The following ADAMTS18 variants were observed in gnomAD, a reference collection of about 807,000 sequenced individuals.
ADAMTS18 encodes A disintegrin and metalloproteinase with thrombospondin motifs 18.
Under a neutral mutation model 165.9 loss-of-function variants are expected in ADAMTS18, and 157 were observed. The ratio of observed to expected loss-of-function variants is 0.95; its 90% CI spans 0.83 to 1.08. ADAMTS18 has a LOEUF of 1.08. Among genes scored for constraint, ADAMTS18 ranks in the 50% least tolerant of loss-of-function variants. ADAMTS18 has a pLI of 0.00. For synonymous variants in ADAMTS18, 782 were observed against 578.2 expected (o/e 1.35, Z -5.06); for missense variants, 2,040 against 1,534.0 (o/e 1.33, Z -5.51).
Position 77,289,330 on chromosome 16 carries a change from G to C in ADAMTS18, c.3484C>G (p.Leu1162Val), listed in dbSNP as rs141927764. 3.1e-6 allele frequency: 5 copies of C among 1,614,128 alleles called. No individual in the cohort carries two copies. Among genetic ancestry groups the C allele is most frequent in the Non-Finnish European group, 3.4e-6 (4 of 1,180,004 alleles). ...CGTAGCACCGGAGGTTTCTGATGGA[G>C]CAGACAACTTGAGGAAGGCCGGCCT... ...QQGRPSSSCL[L>V]HQKPPVLRAC... Residue 1162 changes from leucine to valine, a missense_variant, in exon 22 of 23, where the codon CTC becomes GTC. Transcript: ENST00000282849.
At chr16:77,284,123 CTTTTT>C (rs34369567) in intron 22 of ADAMTS18, 52 bp from the exon 23 acceptor site, 192 of 951,580 alleles carry the variant, frequency 2.0e-4, no homozygotes, top group Non-Finnish European at 2.8e-4. Context: ...TATCCTTTTT[CTTTTT>C]TTTTTTTTTT....
intron 2 of ADAMTS18, 92 bp downstream of exon 2, chr16:77,434,326 G>C: frequency 1.4e-6 from 2 of 1,410,964 alleles, no homozygotes; most frequent in Non-Finnish European, 1.9e-6. Context: ...CCAGGTTAGG[G>C]GGTGCGCTTT....
chr16:77,431,232 C>A, intron 3 of ADAMTS18, 63 bp downstream of exon 3: 1 of 1,564,322 alleles, frequency 6.4e-7, no homozygotes, highest in Non-Finnish European at 8.8e-7. Context: ...TTGCAGACAT[C>A]TGTTCATTCA....
At chr16:77,324,216 G>C (rs1417618948) in intron 13 of ADAMTS18, among the ~76,000 whole-genome samples, 2 of 152,170 alleles carry the variant, frequency 1.3e-5, no homozygotes, top group African/African-American at 4.8e-5. Flanking sequence ...AAGAACCACA[G>C]GTAGGAAGCA....
At chr16:77,386,822 C>T (rs773747837) in intron 3 of ADAMTS18, among the ~76,000 whole-genome samples, 2 of 152,072 alleles carry the variant, frequency 1.3e-5, no homozygotes, top group Non-Finnish European at 2.9e-5. Context: ...TAACTTATTA[C>T]ATGCAAATAT....
chr16:77,322,536 A>C, intron 13 of ADAMTS18, 70 bp from the exon 14 acceptor site: 1 of 1,560,390 alleles, frequency 6.4e-7, no homozygotes, highest in Non-Finnish European at 8.8e-7. Flanking sequence ...GATTGTCAAA[A>C]GAATGAATTA....
Position 77,359,423 on chromosome 16 carries a change from C to T in ADAMTS18, c.1217G>A (p.Gly406Glu), listed in dbSNP as rs2056678809. 6.8e-6 allele frequency: 11 copies of T among 1,612,900 alleles called. No individual in the cohort carries two copies. The highest frequency in any genetic ancestry group is 9.3e-6 in the Non-Finnish European group (11 of 1,179,586). ...SWKNEPCDTL[G>E]FAPISGMCSK... ...GCACATTCCACTGATGGGGGCAAAC[C>T]CTATTGAAAGAGCAGTTTCAAATGT... The change falls in exon 8 of 23, where the codon GGG becomes GAG. Residue 406 changes from glycine to glutamate, a missense_variant and splice_region_variant. Coordinates refer to ENST00000282849, the MANE Select transcript of ADAMTS18 (RefSeq NM_199355.4).
chr16:77,311,696 T>C lies in ADAMTS18; in HGVS notation c.2532+8153A>G, dbSNP rs918564606. ...TATCATAGACAAAATACTAGATTAC[T>C]GGAGTTTTCTTTTTTTTTTGCTTTG... On this transcript the variant is annotated intron_variant, in intron 16 of 22. Transcript: ENST00000282849. Among the ~76,000 whole-genome samples the C allele has an allele frequency of 1.4e-4, 9 of 62,700 alleles. No individual in the cohort carries two copies. The South Asian group carries it at 3.8e-3, about 27-fold the overall frequency. The allele number at this position is 62,700 out of a possible 152,430, so 41.1% of individuals were successfully genotyped here.
At chr16:77,357,806 G>C (rs2056653459) in intron 8 of ADAMTS18, among the ~76,000 whole-genome samples, 1 of 152,114 alleles carries the variant, frequency 6.6e-6, no homozygotes, top group Admixed American at 6.5e-5. Flanking sequence ...TTAAGTCCAT[G>C]TTATTTAGAA....
chr16:77,314,866 A>G (rs2055859230), intron 16 of ADAMTS18, among the ~76,000 whole-genome samples: 1 of 143,024 alleles, frequency 7.0e-6, no homozygotes. Flanking sequence ...GTAGGCACTG[A>G]ACTTATCTTC....
At position 77,359,444 on chromosome 16, in the gene ADAMTS18, A is replaced by T. The variant is rs374246451; in HGVS notation, c.1217-21T>A. The T allele has an allele frequency of 5.0e-6, 8 of 1,600,494 alleles. No homozygotes were observed. The African/African-American group carries it at 1.1e-4, about 21-fold the overall frequency. ...AAACCCTATTGAAAGAGCAGTTTCA[A>T]ATGTGAATCCAAAGGTTGCACACAC... On this transcript the variant is annotated intron_variant, in intron 7 of 22. Coordinates refer to ENST00000282849, the MANE Select transcript of ADAMTS18 (RefSeq NM_199355.4).
chr16:77,330,747 G>C (rs1310687587), intron 12 of ADAMTS18, among the ~76,000 whole-genome samples: 1 of 152,150 alleles, frequency 6.6e-6, no homozygotes, highest in Non-Finnish European at 1.5e-5. Context: ...GTAAATCTAT[G>C]AATCAGCCAA....
At chr16:77,296,692 C>T (rs1164749813) in intron 18 of ADAMTS18, among the ~76,000 whole-genome samples, 1 of 152,118 alleles carries the variant, frequency 6.6e-6, no homozygotes, top group Non-Finnish European at 1.5e-5. Context: ...TGGTGACGTG[C>T]ACCTGTAATC....
At chr16:77,344,104 G>C (rs1174925651) in intron 10 of ADAMTS18, among the ~76,000 whole-genome samples, 1 of 145,954 alleles carries the variant, frequency 6.9e-6, no homozygotes, top group Admixed American at 6.9e-5. Flanking sequence ...AGGGAAACCA[G>C]ATGTATATAT....
rs36191323 is a variant in ADAMTS18, at chr16:77,314,753, CATATATATATATATAT to C, written c.2532+5080_2532+5095del. On this transcript the variant is annotated intron_variant, in intron 16 of 22. Transcript: ENST00000282849. ...GTTTGCTAAATATGGTCTCAGGTTT[CATATATATATATATAT>C]ATATATATATATATATAAAATATAT... is the stretch of plus-strand genomic sequence containing the variant. 3.4e-3 allele frequency among the ~76,000 whole-genome samples: 127 copies of C among 36,918 alleles called. 10 individuals are homozygous for C. Among genetic ancestry groups the C allele is most frequent in the Non-Finnish European group, 5.8e-3 (107 of 18,568 alleles). 24.2% of individuals were successfully genotyped at this position (36,918 alleles called of 152,430 possible).
chr16:77,348,229 A>G (rs1034458149), intron 10 of ADAMTS18, among the ~76,000 whole-genome samples: 1 of 152,144 alleles, frequency 6.6e-6, no homozygotes, highest in Non-Finnish European at 1.5e-5. Context: ...CTCTTCCACC[A>G]CTAGATAAAT....
At chr16:77,423,484 A>T (rs1053982328) in intron 3 of ADAMTS18, among the ~76,000 whole-genome samples, 8 of 152,162 alleles carry the variant, frequency 5.3e-5, no homozygotes, top group African/African-American at 1.9e-4. Flanking sequence ...CTAACTATGC[A>T]CATAGAATAT....
intron 3 of ADAMTS18, among the ~76,000 whole-genome samples, chr16:77,377,215 T>G (rs1186927714): frequency 6.6e-6 from 1 of 152,250 alleles, no homozygotes; most frequent in Non-Finnish European, 1.5e-5. Flanking sequence ...TCATTGGTCA[T>G]ATTTCAATTC....
intron 3 of ADAMTS18, among the ~76,000 whole-genome samples, chr16:77,431,049 T>C (rs913138331): frequency 6.6e-6 from 1 of 152,166 alleles, no homozygotes; most frequent in Non-Finnish European, 1.5e-5. Flanking sequence ...ATCTCAAACA[T>C]GGAGAATGAA....
Sources: gnomAD v4.1 joint callset for allele counts (sites outside exome capture counted in the v4.1 genomes callset) on GRCh38, gnomAD v4.1.1 for gene constraint, MANE v1.5 for transcripts, NCBI Gene and HGNC (gene_info 2026-07-23, HGNC 2026-07-21) for gene names.